CFAP141: variants seen among roughly 807,000 people sequenced by gnomAD.
CFAP141 encodes cilia and flagella associated protein 141, also known as cilia- and flagella-associated protein 141.
chr1:154,200,366 T>G, the CFAP141 span: 9 of 1,336,734 alleles, frequency 6.7e-6, no homozygotes, highest in Non-Finnish European at 7.3e-6. Context: ...AAGATAAATG[T>G]GCAATGACAC....
the CFAP141 span, among the ~76,000 whole-genome samples, chr1:154,201,390 CTTTT>C: frequency 2.2e-5 from 3 of 135,304 alleles, no homozygotes; most frequent in African/African-American, 5.4e-5. Context: ...TCAAATCCAG[CTTTT>C]TTTTTTTTTT....
At chr1:154,204,144 G>A in the CFAP141 span, among the ~76,000 whole-genome samples, 1 of 152,124 alleles carries the variant, frequency 6.6e-6, no homozygotes, top group Non-Finnish European at 1.5e-5. Context: ...GAACATTCTT[G>A]TGTATGTACC....
chr1:154,205,603 G>T, the CFAP141 span: 2 of 1,613,716 alleles, frequency 1.2e-6, no homozygotes, highest in African/African-American at 1.3e-5. Flanking sequence ...ATTACCTGTC[G>T]ACCGTCTTCT....
At chr1:154,205,490 T>C in the CFAP141 span, 1 of 1,033,014 alleles carries the variant, frequency 9.7e-7, no homozygotes, top group South Asian at 1.3e-5. Context: ...TGTTTTCCTC[T>C]TGATGAGCCC....
the CFAP141 span, chr1:154,200,330 GTAA>G: frequency 1.1e-6 from 1 of 942,542 alleles, no homozygotes; most frequent in Non-Finnish European, 1.6e-6. Flanking sequence ...TTGCTCTGGT[GTAA>G]TGCTGAAAAC....
the CFAP141 span, chr1:154,200,424 T>C: frequency 6.2e-7 from 1 of 1,611,010 alleles, no homozygotes; most frequent in African/African-American, 1.3e-5. Context: ...ACAGCAGTAG[T>C]GAATGAGACT....
At chr1:154,205,718 T>C in the CFAP141 span, 1 of 1,366,012 alleles carries the variant, frequency 7.3e-7, no homozygotes, top group African/African-American at 1.4e-5. Context: ...CCTTTTTTTT[T>C]TTTGAGACAG....
chr1:154,199,959 C>T, the CFAP141 span, among the ~76,000 whole-genome samples: 3 of 152,326 alleles, frequency 2.0e-5, no homozygotes, highest in South Asian at 6.2e-4. Flanking sequence ...TCACTGCAAC[C>T]TCTGCCCTCG....
chr1:154,205,429 G>A, the CFAP141 span, among the ~76,000 whole-genome samples: 1 of 152,144 alleles, frequency 6.6e-6, no homozygotes, highest in East Asian at 1.9e-4. Context: ...GCACTAAGAG[G>A]CTGATCTCAT....
the CFAP141 span, among the ~76,000 whole-genome samples, chr1:154,203,340 A>C: frequency 1.4e-5 from 2 of 145,370 alleles, no homozygotes; most frequent in African/African-American, 2.5e-5. Context: ...GGTTACTGCA[A>C]CCTCTGCCTC....
the CFAP141 span, among the ~76,000 whole-genome samples, chr1:154,200,036 G>A: frequency 6.4e-4 from 98 of 152,170 alleles, 1 homozygote; most frequent in African/African-American, 2.0e-3. Context: ...CACCATGCCC[G>A]GCCAATTTTT....
At chr1:154,204,160 G>C in the CFAP141 span, among the ~76,000 whole-genome samples, 1 of 152,120 alleles carries the variant, frequency 6.6e-6, no homozygotes, top group African/African-American at 2.4e-5. Context: ...GTACCTTCTA[G>C]TGCTTTTCCA....
At chr1:154,204,613 C>T in the CFAP141 span, among the ~76,000 whole-genome samples, 24 of 151,896 alleles carry the variant, frequency 1.6e-4, no homozygotes, top group African/African-American at 4.8e-4. Context: ...GGGTTTTCCT[C>T]TCTCACCCAG....
chr1:154,205,471 T>G, the CFAP141 span: 2 of 863,944 alleles, frequency 2.3e-6, no homozygotes, highest in Non-Finnish European at 4.0e-6. Flanking sequence ...TTCTCACCCC[T>G]TCCGCATCTG....
chr1:154,199,604 T>G, the CFAP141 span: 1 of 963,094 alleles, frequency 1.0e-6, no homozygotes, highest in Non-Finnish European at 1.6e-6. Context: ...TCCTAGTTGT[T>G]TTCCCATTAT....
chr1:154,205,824 C>T, the CFAP141 span, among the ~76,000 whole-genome samples: 1 of 152,072 alleles, frequency 6.6e-6, no homozygotes, highest in East Asian at 1.9e-4. Flanking sequence ...CCTGCCTCAG[C>T]CTCCGAGTAG....
the CFAP141 span, among the ~76,000 whole-genome samples, chr1:154,202,248 A>C: frequency 6.7e-6 from 1 of 148,908 alleles, no homozygotes; most frequent in Non-Finnish European, 1.5e-5. Context: ...GCTAATTTTT[A>C]AATTTTTAGT....
the CFAP141 span, chr1:154,205,630 T>C: frequency 6.2e-7 from 1 of 1,614,024 alleles, no homozygotes; most frequent in Admixed American, 1.7e-5. Context: ...CCATGGCCTT[T>C]TGAAAACTCT....
the CFAP141 span, among the ~76,000 whole-genome samples, chr1:154,204,945 G>T: frequency 6.7e-6 from 1 of 150,310 alleles, no homozygotes; most frequent in Non-Finnish European, 1.5e-5. Flanking sequence ...GCAGTGGTGC[G>T]ATCTTGGCTC....
Sources: gnomAD v4.1 joint callset for allele counts (sites outside exome capture counted in the v4.1 genomes callset) on GRCh38, gnomAD v4.1.1 for gene constraint, MANE v1.5 for transcripts, NCBI Gene and HGNC (gene_info 2026-07-23, HGNC 2026-07-21) for gene names.